Variants in GNAQ observed in about 807,000 individuals in gnomAD.
GNAQ encodes the protein guanine nucleotide-binding protein G(q) subunit alpha.
Under a neutral mutation model 43.9 loss-of-function variants are expected in GNAQ, and 8 were observed. That is an observed-to-expected ratio of 0.18 (90% CI 0.11 to 0.33). GNAQ has a LOEUF of 0.33. Ranked by LOEUF, GNAQ falls within the 10% of genes least tolerant of loss-of-function variation. GNAQ has a pLI of 1.00. For synonymous variants in GNAQ, 155 were observed against 170.7 expected, an observed-to-expected ratio of 0.91 and a Z score of 0.71; for missense variants, 158 against 450.8, an observed-to-expected ratio of 0.35 and a Z score of 5.88.
chr9:77,832,877 G>A (rs971643293), intron 2 of GNAQ, among the ~76,000 whole-genome samples: 5 of 152,178 alleles, frequency 3.3e-5, no homozygotes, highest in East Asian at 3.9e-4. Flanking sequence ...CACAAGCTGC[G>A]TCCACTCACA....
chr9:77,813,467 C>T (rs1357849057), intron 3 of GNAQ, among the ~76,000 whole-genome samples: 2 of 152,186 alleles, frequency 1.3e-5, no homozygotes, highest in Non-Finnish European at 2.9e-5. Context: ...TCTGGGAGAG[C>T]TCTTGCCCTA....
intron 1 of GNAQ, among the ~76,000 whole-genome samples, chr9:77,938,467 A>G (rs373674756): frequency 6.6e-6 from 1 of 152,214 alleles, no homozygotes; most frequent in Non-Finnish European, 1.5e-5. Flanking sequence ...TCAATTTTAC[A>G]GGGAAGAAAC....
intron 1 of GNAQ, among the ~76,000 whole-genome samples, chr9:77,941,907 T>TACACACACACACACACACAC (rs10560776): frequency 7.1e-6 from 1 of 140,994 alleles, no homozygotes; most frequent in African/African-American, 2.6e-5. Flanking sequence ...ACAACATACA[T>TACACACACACACACACACAC]ACACACACAC....
intron 1 of GNAQ, among the ~76,000 whole-genome samples, chr9:77,978,417 A>AGG (rs1249406739): frequency 6.6e-6 from 1 of 152,224 alleles, no homozygotes; most frequent in Non-Finnish European, 1.5e-5. Context: ...ATGAGTACCA[A>AGG]GGTCCCTCTC....
chr9:77,913,562 T>C (rs943746864), intron 2 of GNAQ, among the ~76,000 whole-genome samples: 13 of 152,086 alleles, frequency 8.5e-5, no homozygotes, highest in African/African-American at 1.9e-4. Flanking sequence ...TGCTATTACA[T>C]AGCAATGAGA....
chr9:77,879,819 T>A (rs2118059786), intron 2 of GNAQ, among the ~76,000 whole-genome samples: 1 of 152,242 alleles, frequency 6.6e-6, no homozygotes, highest in East Asian at 1.9e-4. Context: ...ATCTGAAAAA[T>A]CTCACCTAAC....
At chr9:77,941,911 C>T (rs1040813960) in intron 1 of GNAQ, among the ~76,000 whole-genome samples, 2 of 71,586 alleles carry the variant, frequency 2.8e-5, no homozygotes, top group East Asian at 1.1e-3. Context: ...CATACATACA[C>T]ACACACACAC....
chr9:77,879,743 G>A (rs1385364852), intron 2 of GNAQ, among the ~76,000 whole-genome samples: 2 of 152,196 alleles, frequency 1.3e-5, no homozygotes, highest in Non-Finnish European at 2.9e-5. Flanking sequence ...TCCCTTGAGA[G>A]GCAGATATGA....
chr9:77,932,055 A>G (rs1009579177), intron 1 of GNAQ, among the ~76,000 whole-genome samples: 38 of 152,212 alleles, frequency 2.5e-4, no homozygotes, highest in African/African-American at 9.2e-4. Context: ...CAAAGAATAA[A>G]ATAAAGACAG....
intron 2 of GNAQ, among the ~76,000 whole-genome samples, chr9:77,882,091 T>C (rs1828221008): frequency 6.6e-6 from 1 of 152,032 alleles, no homozygotes; most frequent in Non-Finnish European, 1.5e-5. Context: ...TGAGCTGAGA[T>C]CGAGCCACTG....
At chr9:77,960,384 C>A (rs952775442) in intron 1 of GNAQ, among the ~76,000 whole-genome samples, 11 of 152,126 alleles carry the variant, frequency 7.2e-5, no homozygotes, top group African/African-American at 2.7e-4. Context: ...GCGAGGTAGG[C>A]AGAATTAGAA....
At chr9:77,790,300 C>A (rs1238982996) in intron 5 of GNAQ, among the ~76,000 whole-genome samples, 1 of 152,104 alleles carries the variant, frequency 6.6e-6, no homozygotes, top group Admixed American at 6.5e-5. Context: ...GTCAGGTTTT[C>A]CCCGCAAAGC....
At chr9:77,936,530 T>A (rs748045146) in intron 1 of GNAQ, among the ~76,000 whole-genome samples, 1 of 152,228 alleles carries the variant, frequency 6.6e-6, no homozygotes, top group Non-Finnish European at 1.5e-5. Flanking sequence ...TTAAGGCATC[T>A]AGTGAAAACA....
intron 2 of GNAQ, among the ~76,000 whole-genome samples, chr9:77,901,126 G>C (rs1413150575): frequency 6.6e-6 from 1 of 152,056 alleles, no homozygotes; most frequent in African/African-American, 2.4e-5. Context: ...CTTGCTTCCA[G>C]AAAGTACCAC....
At chr9:77,769,865 A>G (rs1401689692) in intron 5 of GNAQ, among the ~76,000 whole-genome samples, 1 of 152,074 alleles carries the variant, frequency 6.6e-6, no homozygotes, top group African/African-American at 2.4e-5. Context: ...ACAGGGTTTC[A>G]CTGTGTTAGC....
At chr9:77,911,527 T>C (rs1828803445) in intron 2 of GNAQ, among the ~76,000 whole-genome samples, 1 of 152,160 alleles carries the variant, frequency 6.6e-6, no homozygotes, top group Admixed American at 6.6e-5. Context: ...CAGCTTTCAT[T>C]ACCTTCTGAC....
At chr9:77,794,964 T>A (rs1033639835) in intron 4 of GNAQ, among the ~76,000 whole-genome samples, 2 of 152,202 alleles carry the variant, frequency 1.3e-5, no homozygotes, top group African/African-American at 4.8e-5. Context: ...TTCAGTTTCT[T>A]TTCCTATAAA....
At chr9:77,975,949 CCTT>C (rs1285606434) in intron 1 of GNAQ, among the ~76,000 whole-genome samples, 1 of 152,166 alleles carries the variant, frequency 6.6e-6, no homozygotes, top group African/African-American at 2.4e-5. Context: ...TGAGAGCTGT[CCTT>C]CTGATCCTGG....
At chr9:77,839,123 C>T (rs1827442343) in intron 2 of GNAQ, among the ~76,000 whole-genome samples, 1 of 152,158 alleles carries the variant, frequency 6.6e-6, no homozygotes, top group Non-Finnish European at 1.5e-5. Flanking sequence ...GACTCCATCT[C>T]TCTTATTCCC....
Sources: allele counts gnomAD v4.1 joint callset (sites outside exome capture counted in the v4.1 genomes callset), GRCh38; gene constraint gnomAD v4.1.1; transcripts MANE v1.5; gene names NCBI Gene and HGNC (gene_info 2026-07-23, HGNC 2026-07-21).